The following PNCK variants were observed in gnomAD, a reference collection of about 807,000 sequenced individuals.
The protein encoded by PNCK is calcium/calmodulin-dependent protein kinase type 1B.
A neutral mutation model predicts 28.3 loss-of-function variants in PNCK; 21 were observed. The ratio of observed to expected loss-of-function variants is 0.74; its 90% CI spans 0.53 to 1.07. PNCK has a LOEUF of 1.07. Ranked by LOEUF, PNCK falls within the 50% of genes least tolerant of loss-of-function variation. The pLI, the probability that PNCK is intolerant of heterozygous loss-of-function variation, is 0.00. For synonymous variants in PNCK, 136 were observed against 125.2 expected, an observed-to-expected ratio of 1.09 and a Z score of -0.58; for missense variants, 250 against 298.3, an observed-to-expected ratio of 0.84 and a Z score of 1.19.
chrX:153,676,393 G>T (rs782226276), upstream of PNCK, among the ~76,000 whole-genome samples: 9 of 111,481 alleles, frequency 8.1e-5, no homozygotes, highest in Non-Finnish European at 1.9e-5. Context: ...CTAGCCAATC[G>T]GGTTTTAGGT....
At chrX:153,681,839 A>G (rs1162443211) in intron 1 of PNCK, among the ~76,000 whole-genome samples, 1 of 111,916 alleles carries the variant, frequency 8.9e-6, no homozygotes, top group African/African-American at 3.2e-5. Flanking sequence ...GTTTTTCTGT[A>G]CATCTAAAAC....
chrX:153,683,265 T>C (rs1189315332), intron 1 of PNCK, among the ~76,000 whole-genome samples: 4 of 111,001 alleles, frequency 3.6e-5, no homozygotes, highest in African/African-American at 1.3e-4. Flanking sequence ...CTCAGCCTCC[T>C]GAGTAGCTGG....
At chrX:153,678,826 G>A (rs6643761), upstream of PNCK, among the ~76,000 whole-genome samples, 10,475 of 101,292 alleles carry the variant, frequency 0.1, 448 homozygotes, top group South Asian at 0.15. Flanking sequence ...CCATGGATCC[G>A]TTTTCTGTCT....
intron 3 of PNCK, 126 bp from the exon 4 acceptor site, chrX:153,672,326 A>G (rs1309207618): frequency 3.5e-6 from 3 of 857,559 alleles, no homozygotes; most frequent in Non-Finnish European, 4.8e-6. Context: ...ACCACATGCC[A>G]CCCCTGCCCG....
chrX:153,687,321 C>T (rs781995428), intron 1 of PNCK: 1 of 302,581 alleles, frequency 3.3e-6, no homozygotes, highest in East Asian at 1.1e-4. Context: ...GTGGGGGCCG[C>T]CGGGGTCATT....
At chrX:153,677,704 GTATATATATAGTGCA>G (rs1279614039), upstream of PNCK, among the ~76,000 whole-genome samples, 1 of 96,289 alleles carries the variant, frequency 1.0e-5, no homozygotes, top group African/African-American at 4.3e-5. Context: ...TATAGTGTGT[GTATATATATAGTGCA>G]TATATATAGT....
chrX:153,685,306 C>T (rs1247582962), intron 1 of PNCK, among the ~76,000 whole-genome samples: 1 of 111,302 alleles, frequency 9.0e-6, no homozygotes, highest in East Asian at 2.9e-4. Flanking sequence ...ATGGAAATCG[C>T]TTTGCCTTTG....
chrX:153,677,719 ATATATATAGTGTATATATAGTGTG>A (rs2091375964), upstream of PNCK, among the ~76,000 whole-genome samples: 1 of 96,617 alleles, frequency 1.0e-5, no homozygotes, highest in South Asian at 4.4e-4. Flanking sequence ...TATATAGTGC[ATATATATAGTGTATATATAGTGTG>A]TATATATAGT....
intron 1 of PNCK, 162 bp from the exon 2 acceptor site, chrX:153,673,240 C>T: frequency 8.3e-7 from 1 of 1,199,876 alleles, no homozygotes; most frequent in Non-Finnish European, 1.1e-6. Flanking sequence ...GGACGCCTCC[C>T]AGCGAGGCCA....
chrX:153,676,524 C>T (rs1193111843), upstream of PNCK, among the ~76,000 whole-genome samples: 1 of 111,511 alleles, frequency 9.0e-6, no homozygotes, highest in Non-Finnish European at 1.9e-5. Context: ...AAACTGCTGG[C>T]GAGTGTACCC....
chrX:153,672,822 C>T (rs868966129), intron 2 of PNCK, 125 bp from the exon 3 acceptor site: 1 of 923,607 alleles, frequency 1.1e-6, no homozygotes. Flanking sequence ...TGGCCCTGTG[C>T]CACCCCCCAC....
At position 153,670,502 on chromosome X, in the gene PNCK, G is replaced by T; in HGVS notation, c.987C>A (p.Arg329=). 8.3e-7 allele frequency: 1 copy of T among 1,209,753 alleles called. No individual in the cohort carries two copies. The highest frequency in any genetic ancestry group is 1.1e-6 in the Non-Finnish European group (1 of 894,889). ...CAGCACGGAGGCCTGAGTGGCTGTG[G>T]CGGGCCATGCCCTGCTCAGAGGCCC... The part of the protein sequence containing the change: ...GEGASEQGMA[R]HSHSGLRAGQ... The change falls in exon 11 of 12, where the codon CGC becomes CGA. Residue 329 remains arginine, a synonymous_variant. Transcript: ENST00000340888.
At chrX:153,678,898 A>G (rs1302391349), upstream of PNCK, among the ~76,000 whole-genome samples, 1 of 107,258 alleles carries the variant, frequency 9.3e-6, no homozygotes, top group East Asian at 2.9e-4. Context: ...GGAGTCATAG[A>G]GTAGGTAGCT....
In PNCK at chrX:153,670,069, G is replaced by A. The variant is rs1257748208; in HGVS notation, c.*69C>T. Reference sequence around the variant, plus strand: ...GCCCCAGGGGGAGGGGTTGGGGGAGGGGACCGAAAGCATCCAAGGGAAGGA... The same window carrying A: ...GCCCCAGGGGGAGGGGTTGGGGGAGAGGACCGAAAGCATCCAAGGGAAGGA... On this transcript the variant is annotated 3_prime_UTR_variant, in exon 12 of 12. Coordinates refer to ENST00000340888, the MANE Select transcript of PNCK (RefSeq NM_001366977.1). The A allele has an allele frequency of 7.2e-6, 2 of 277,588 alleles. No homozygotes were observed. The highest frequency in any genetic ancestry group is 1.4e-5 in the Non-Finnish European group (2 of 148,117). 22.9% of individuals were successfully genotyped at this position (277,588 alleles called of 1,213,427 possible).
intron 5 of PNCK, 74 bp downstream of exon 5, chrX:153,671,806 G>A (rs975441933): frequency 5.8e-5 from 68 of 1,179,928 alleles, no homozygotes; most frequent in African/African-American, 7.2e-5. Flanking sequence ...GGCCCCAGCC[G>A]TGCTCCCGGG....
Position 153,671,772 on chromosome X carries a change from TTGG to T in PNCK, c.415-103_415-101del, listed in dbSNP as rs1166604999. The stretch of plus-strand genomic sequence containing the variant: ...AGGCACTCTCAGGTTCCCCAGAGCC[TTGG>T]TGGAGCAGGAGATCAAGAAAGGCCC... On this transcript the variant is annotated intron_variant, in intron 5 of 11. Transcript: ENST00000340888. The T allele has an allele frequency of 8.6e-6, 10 of 1,166,262 alleles. No homozygotes were observed. In the African/African-American group the frequency reaches 1.8e-4, roughly 21 times the overall value.
intron 1 of PNCK, among the ~76,000 whole-genome samples, chrX:153,681,640 A>G (rs1166582464): frequency 8.9e-6 from 1 of 112,047 alleles, no homozygotes; most frequent in Non-Finnish European, 1.9e-5. Context: ...TGACAGAAAA[A>G]GGACATTAGG....
At chrX:153,670,371 T>C (rs782327771) in intron 11 of PNCK, 79 bp downstream of exon 11, 112 of 1,173,365 alleles carry the variant, frequency 9.5e-5, no homozygotes, top group Non-Finnish European at 1.3e-4. Context: ...CACTTAGCTC[T>C]TGGCCACATG....
chrX:153,678,777 G>A (rs184969540), upstream of PNCK, among the ~76,000 whole-genome samples: 35 of 109,847 alleles, frequency 3.2e-4, no homozygotes, highest in Non-Finnish European at 5.7e-4. Flanking sequence ...CCTGTGCTGC[G>A]CCTACCAAGC....
Sources: gnomAD v4.1 joint callset for allele counts (sites outside exome capture counted in the v4.1 genomes callset) on GRCh38, gnomAD v4.1.1 for gene constraint, MANE v1.5 for transcripts, NCBI Gene and HGNC (gene_info 2026-07-23, HGNC 2026-07-21) for gene names.